Variants in MYO1D observed in about 807,000 individuals in gnomAD.
The protein encoded by MYO1D is unconventional myosin-Id.
MYO1D carries 83 observed loss-of-function variants against 122.0 expected under a neutral mutation model. The observed-to-expected ratio is 0.68, with a 90% confidence interval of 0.57 to 0.82. The LOEUF is 0.82. Ranked by LOEUF, MYO1D falls within the 40% of genes least tolerant of loss-of-function variation. The pLI, the probability that MYO1D is intolerant of heterozygous loss-of-function variation, is 0.00. For missense variants in MYO1D, 1,157 were observed against 1,269.5 expected (o/e 0.91, Z 1.35); for synonymous variants, 464 against 446.9 (o/e 1.04, Z -0.48).
chr17:32,515,926 TG>T (rs1365023333), intron 21 of MYO1D, among the ~76,000 whole-genome samples: 2 of 152,192 alleles, frequency 1.3e-5, no homozygotes, highest in East Asian at 3.8e-4. Context: ...CTTGTCTCAT[TG>T]CGGTAAAAGA....
intron 21 of MYO1D, chr17:32,519,488 G>C (rs1010427436): frequency 6.6e-6 from 1 of 152,406 alleles, no homozygotes; most frequent in African/African-American, 2.4e-5. Context: ...CGGCGGGGGC[G>C]GAGGCTGCGG....
At chr17:32,844,479 G>C (rs1291387294) in intron 1 of MYO1D, among the ~76,000 whole-genome samples, 1 of 148,132 alleles carries the variant, frequency 6.8e-6, no homozygotes, top group Non-Finnish European at 1.5e-5. Flanking sequence ...CTAGCACTTT[G>C]AGAGGCTGAG....
chr17:32,561,775 TAG>T (rs147491471), intron 21 of MYO1D, among the ~76,000 whole-genome samples: 5,281 of 151,822 alleles, frequency 0.035, 275 homozygotes, highest in African/African-American at 0.11. Flanking sequence ...TCTCATCATC[TAG>T]AGAGAGAACC....
intron 14 of MYO1D, among the ~76,000 whole-genome samples, chr17:32,730,904 CTTT>C (rs754771399): frequency 1.8e-5 from 2 of 108,796 alleles, no homozygotes; most frequent in Non-Finnish European, 3.9e-5. Flanking sequence ...TTCCACGTGT[CTTT>C]TTTTTTTTTT....
At chr17:32,801,732 C>A (rs1257384650) in intron 1 of MYO1D, among the ~76,000 whole-genome samples, 1 of 152,182 alleles carries the variant, frequency 6.6e-6, no homozygotes, top group Non-Finnish European at 1.5e-5. Context: ...AACCCCCTTC[C>A]TAGCTCTGTT....
intron 1 of MYO1D, among the ~76,000 whole-genome samples, chr17:32,860,594 T>C (rs892756498): frequency 1.3e-5 from 2 of 152,252 alleles, no homozygotes; most frequent in Non-Finnish European, 2.9e-5. Context: ...AGCTTTTCCA[T>C]TGTTTCAACT....
intron 1 of MYO1D, among the ~76,000 whole-genome samples, chr17:32,860,794 G>A (rs9895889): frequency 6.6e-6 from 1 of 152,096 alleles, no homozygotes; most frequent in Admixed American, 6.5e-5. Flanking sequence ...CTAACTTCAT[G>A]CATCTATACA....
chr17:32,548,160 G>A (rs960609221), intron 21 of MYO1D, among the ~76,000 whole-genome samples: 1 of 151,904 alleles, frequency 6.6e-6, no homozygotes, highest in Non-Finnish European at 1.5e-5. Context: ...TGGCATGCCT[G>A]TCATTCCAGC....
intron 1 of MYO1D, among the ~76,000 whole-genome samples, chr17:32,857,483 G>A (rs1391245521): frequency 6.6e-6 from 1 of 151,850 alleles, no homozygotes; most frequent in Non-Finnish European, 1.5e-5. Context: ...TACTCAGGAG[G>A]CTGAGGCAGG....
At chr17:32,780,820 T>C in intron 1 of MYO1D, 36 bp from the exon 2 acceptor site, 1 of 1,593,792 alleles carries the variant, frequency 6.3e-7, no homozygotes, top group Non-Finnish European at 8.6e-7. Context: ...GACGTAGCTG[T>C]GGTTACAGAG....
At chr17:32,698,538 C>T (rs927574060) in intron 16 of MYO1D, among the ~76,000 whole-genome samples, 2 of 151,990 alleles carry the variant, frequency 1.3e-5, no homozygotes, top group Non-Finnish European at 2.9e-5. Context: ...CACTTCATGT[C>T]TCTATCTGAC....
intron 11 of MYO1D, among the ~76,000 whole-genome samples, chr17:32,752,041 T>C (rs138684215): frequency 6.6e-6 from 1 of 152,226 alleles, no homozygotes; most frequent in Non-Finnish European, 1.5e-5. Context: ...TACAAGGCTA[T>C]TGTAACCAAG....
At chr17:32,529,193 CTGT>C (rs968915645) in intron 21 of MYO1D, 43 of 152,424 alleles carry the variant, frequency 2.8e-4, no homozygotes, top group African/African-American at 1.0e-3. Context: ...GAATCTGTGT[CTGT>C]TGTTAACTAG....
At chr17:32,665,522 G>A (rs1293153288) in intron 16 of MYO1D, among the ~76,000 whole-genome samples, 1 of 152,178 alleles carries the variant, frequency 6.6e-6, no homozygotes, top group African/African-American at 2.4e-5. Flanking sequence ...ATCTTCAAGA[G>A]CTCATCCTTG....
intron 19 of MYO1D, among the ~76,000 whole-genome samples, chr17:32,651,990 T>C (rs747883257): frequency 1.3e-5 from 2 of 152,228 alleles, no homozygotes; most frequent in Non-Finnish European, 2.9e-5. Context: ...GCTAATTTAA[T>C]ATCAGTGTAT....
At chr17:32,781,605 A>G (rs1448868918) in intron 1 of MYO1D, among the ~76,000 whole-genome samples, 1 of 152,166 alleles carries the variant, frequency 6.6e-6, no homozygotes. Flanking sequence ...AAATGAGTAC[A>G]TAAGTGTGAA....
intron 21 of MYO1D, among the ~76,000 whole-genome samples, chr17:32,576,662 G>A (rs979978246): frequency 6.6e-6 from 1 of 152,008 alleles, no homozygotes; most frequent in Non-Finnish European, 1.5e-5. Context: ...ATGAATGAGT[G>A]AATGAATGAA....
At chr17:32,545,221 C>A (rs938435160) in intron 21 of MYO1D, among the ~76,000 whole-genome samples, 10 of 152,186 alleles carry the variant, frequency 6.6e-5, no homozygotes, top group African/African-American at 2.4e-4. Flanking sequence ...CACTTCCCAG[C>A]TGTGGGCACC....
At chr17:32,866,687 A>T (rs998275541) in intron 1 of MYO1D, among the ~76,000 whole-genome samples, 4 of 152,222 alleles carry the variant, frequency 2.6e-5, no homozygotes, top group Admixed American at 6.5e-5. Flanking sequence ...AATTTGGGGC[A>T]GCATAAGACA....
Sources: allele counts gnomAD v4.1 joint callset (sites outside exome capture counted in the v4.1 genomes callset), GRCh38; gene constraint gnomAD v4.1.1; transcripts MANE v1.5; gene names NCBI Gene and HGNC (gene_info 2026-07-23, HGNC 2026-07-21).